Variants in HK1 observed in about 807,000 individuals in gnomAD.
HK1 encodes the protein hexokinase-1.
HK1 carries 28 observed loss-of-function variants against 91.6 expected under a neutral mutation model. The observed-to-expected ratio is 0.31, with a 90% CI of 0.23 to 0.42. The LOEUF is 0.42. Ranked by LOEUF, HK1 falls within the 10% of genes least tolerant of loss-of-function variation. The pLI, the probability that HK1 is intolerant of heterozygous loss-of-function variation, is 1.00. For synonymous variants in HK1, 430 were observed against 468.1 expected, an observed-to-expected ratio of 0.92 and a Z score of 1.05; for missense variants, 770 against 1,219.8, an observed-to-expected ratio of 0.63 and a Z score of 5.49.
chr10:69,323,690 T>A (rs1847172476), intron 1 of HK1, among the ~76,000 whole-genome samples: 1 of 152,214 alleles, frequency 6.6e-6, no homozygotes, highest in Admixed American at 6.5e-5. Flanking sequence ...AGAAGCCCCA[T>A]CACTTTATCT....
At chr10:69,361,140 C>T (rs1357806093) in intron 3 of HK1, among the ~76,000 whole-genome samples, 1 of 152,246 alleles carries the variant, frequency 6.6e-6, no homozygotes, top group East Asian at 1.9e-4. Context: ...CCTGGCTAAC[C>T]TGCTCCCTGG....
At chr10:69,362,059 C>A (rs1286839436) in intron 3 of HK1, among the ~76,000 whole-genome samples, 1 of 152,266 alleles carries the variant, frequency 6.6e-6, no homozygotes, top group East Asian at 1.9e-4. Context: ...CAGGTGTGAG[C>A]CACCACACCC....
intron 2 of HK1, among the ~76,000 whole-genome samples, chr10:69,283,611 T>C (rs962434815): frequency 4.7e-5 from 7 of 150,482 alleles, no homozygotes; most frequent in African/African-American, 1.7e-4. Context: ...TGAAACCCCA[T>C]CTCTACTAAA....
chr10:69,361,330 A>G (rs918955491), intron 3 of HK1, among the ~76,000 whole-genome samples: 3 of 152,224 alleles, frequency 2.0e-5, no homozygotes, highest in Admixed American at 6.5e-5. Context: ...TGGCCCATCC[A>G]TCTGGCGCCT....
chr10:69,293,081 C>T (rs1386991557), intron 3 of HK1, among the ~76,000 whole-genome samples: 1 of 152,240 alleles, frequency 6.6e-6, no homozygotes, highest in African/African-American at 2.4e-5. Flanking sequence ...ACACTCCCAA[C>T]ACTCATTTCT....
At chr10:69,361,597 C>T (rs1187074907) in intron 3 of HK1, among the ~76,000 whole-genome samples, 1 of 152,182 alleles carries the variant, frequency 6.6e-6, no homozygotes, top group South Asian at 2.1e-4. Context: ...TTTGGCTTGA[C>T]CTTTTAGGAG....
rs1285366777 is a variant in HK1 at position 69,355,773 on chromosome 10, CAT to C, written c.227-4123_227-4122del. Among the ~76,000 whole-genome samples, 3 of 152,016 alleles carry C rather than the reference CAT, an allele frequency of 2.0e-5. No individual in the cohort carries two copies. In the East Asian group the frequency reaches 5.8e-4, roughly 29 times the overall value. On this transcript the variant is annotated intron_variant, in intron 2 of 17. Transcript: ENST00000359426. ...TGCCACTGCATTCCAGCCTGGGTAG[CAT>C]TCCAGCCTGGGTAACAGAGTGAGAC...
chr10:69,283,157 T>G (rs34539856), intron 2 of HK1, among the ~76,000 whole-genome samples: 67,570 of 131,204 alleles, frequency 0.52, 17,363 homozygotes, highest in African/African-American at 0.67. Context: ...TGAATGAAGG[T>G]ATAATCTGGC....
chr10:69,300,516 A>G, intron 4 of HK1: 1 of 749,806 alleles, frequency 1.3e-6, no homozygotes. Context: ...CTGTCAGTAC[A>G]ATGAAATCAA....
intron 1 of HK1, among the ~76,000 whole-genome samples, chr10:69,328,767 C>T (rs536285916): frequency 1.1e-4 from 16 of 152,214 alleles, no homozygotes; most frequent in South Asian, 2.1e-4. Context: ...CATCACCCTC[C>T]GAAAAAAACT....
At chr10:69,323,213 C>A (rs1441531373) in intron 1 of HK1, among the ~76,000 whole-genome samples, 1 of 151,104 alleles carries the variant, frequency 6.6e-6, no homozygotes, top group Non-Finnish European at 1.5e-5. Flanking sequence ...CCACTGCACT[C>A]CAGCCTGGGC....
chr10:69,306,083 ACG>A (rs1564497862), intron 5 of HK1, among the ~76,000 whole-genome samples: 5 of 151,792 alleles, frequency 3.3e-5, no homozygotes, highest in South Asian at 2.1e-4. Context: ...GGGGCTGGGC[ACG>A]GTGGCTCACG....
intron 5 of HK1, among the ~76,000 whole-genome samples, chr10:69,304,166 C>G (rs1589455505): frequency 6.6e-6 from 1 of 152,088 alleles, no homozygotes; most frequent in Admixed American, 6.6e-5. Context: ...ACCATAATTT[C>G]TAATCTTTTT....
chr10:69,285,167 G>C (rs1844963653), intron 2 of HK1, among the ~76,000 whole-genome samples: 1 of 151,918 alleles, frequency 6.6e-6, no homozygotes, highest in Non-Finnish European at 1.5e-5. Flanking sequence ...GGGCGCGGTG[G>C]CTCACGCCTG....
At chr10:69,394,821 G>A (rs1840063071) in intron 15 of HK1, 129 bp from the exon 16 acceptor site, 5 of 900,794 alleles carry the variant, frequency 5.6e-6, no homozygotes, top group Admixed American at 1.9e-5. Flanking sequence ...CAGAGCACAG[G>A]GCTGGGCACA....
At chr10:69,365,522 A>G (rs569508726) in intron 4 of HK1, among the ~76,000 whole-genome samples, 3 of 152,294 alleles carry the variant, frequency 2.0e-5, no homozygotes, top group East Asian at 1.9e-4. Context: ...CTTTTTTTAC[A>G]TGGAAAGACA....
intron 3 of HK1, among the ~76,000 whole-genome samples, chr10:69,294,424 AT>A (rs1845452364): frequency 6.6e-6 from 1 of 152,236 alleles, no homozygotes; most frequent in Non-Finnish European, 1.5e-5. Context: ...AAAGGAAGTT[AT>A]AAAAAAGCAG....
chr10:69,397,901 G>T (rs900935706), intron 16 of HK1, among the ~76,000 whole-genome samples: 4 of 152,170 alleles, frequency 2.6e-5, no homozygotes, highest in African/African-American at 9.7e-5. Flanking sequence ...CTACAGTCTT[G>T]TGATGCCTTC....
At position 69,401,425 on chromosome 10, in the gene HK1, C is replaced by T; in HGVS notation, c.*290C>T. 5.9e-6 allele frequency: 3 copies of T among 510,954 alleles called. No homozygotes were observed. Among genetic ancestry groups the T allele is most frequent in the East Asian group, 3.6e-5 (1 of 27,806 alleles). The allele number at this position is 510,954 out of a possible 1,614,324, so 31.7% of individuals were successfully genotyped here. A position where few individuals can be genotyped will look rare whatever the true frequency, so the allele number is the denominator to read the frequency against. ...TAGTGGCATCCATTTCTAATGTATG[C>T]ATTCATCCAACAGAGTTATTTATTG... On this transcript the variant is annotated 3_prime_UTR_variant, in exon 18 of 18. Transcript: ENST00000359426.
Sources: gnomAD v4.1 joint callset for allele counts (sites outside exome capture counted in the v4.1 genomes callset) on GRCh38, gnomAD v4.1.1 for gene constraint, MANE v1.5 for transcripts, NCBI Gene and HGNC (gene_info 2026-07-23, HGNC 2026-07-21) for gene names.